The following ABI2 variants were observed in gnomAD, a reference collection of about 807,000 sequenced individuals.
ABI2 encodes the protein abelson interactor 2.
Under a neutral mutation model 59.2 loss-of-function variants are expected in ABI2, and 25 were observed. The ratio of observed to expected loss-of-function variants is 0.42; its 90% CI spans 0.31 to 0.59. The LOEUF is 0.59. Ranked by LOEUF, ABI2 falls within the 20% of genes least tolerant of loss-of-function variation. The probability of loss-of-function intolerance (pLI) is 0.14; values close to 1 mark genes in which losing one functional copy is unlikely to be tolerated. For missense variants in ABI2, 545 were observed against 681.8 expected (o/e 0.80, Z 2.23); for synonymous variants, 213 against 235.5 (o/e 0.90, Z 0.87).
intron 4 of ABI2, among the ~76,000 whole-genome samples, chr2:203,384,299 T>TTGTTTTTTTTTG (rs1559289268): frequency 0.014 from 1,767 of 126,572 alleles, 77 homozygotes; most frequent in African/African-American, 0.034. Context: ...TGTTTTTTTT[T>TTGTTTTTTTTTG]TTTTTTTTTT....
At chr2:203,363,361 C>A (rs1395408726) in intron 1 of ABI2, among the ~76,000 whole-genome samples, 1 of 152,098 alleles carries the variant, frequency 6.6e-6, no homozygotes, top group African/African-American at 2.4e-5. Flanking sequence ...TTTATGAAAT[C>A]ACCCTGTTGT....
intron 10 of ABI2, among the ~76,000 whole-genome samples, chr2:203,412,871 TTTAA>T (rs1350588315): frequency 6.6e-6 from 1 of 152,210 alleles, no homozygotes; most frequent in Non-Finnish European, 1.5e-5. Flanking sequence ...TAGAAAAGGA[TTTAA>T]TTACAGTACG....
At position 203,396,813 on chromosome 2, in the gene ABI2, C is replaced by T; in HGVS notation, c.879C>T (p.Pro293=). 2.6e-6 allele frequency: 4 copies of T among 1,533,712 alleles called. No individual in the cohort carries two copies. The highest frequency in any genetic ancestry group is 3.5e-6 in the Non-Finnish European group (4 of 1,145,992). Reference sequence around the variant, plus strand: ...CTGCTGGCTCTGCTGGCACTCCTCCCCTTCCTGCTACTTCTGCATCTGCCC... The same window carrying T: ...CTGCTGGCTCTGCTGGCACTCCTCCTCTTCCTGCTACTTCTGCATCTGCCC... ...PAPAGSAGTP[P]LPATSASAPA... is the part of the protein sequence containing the mutation. The change falls in exon 8 of 12, where the codon CCC becomes CCT. Residue 293 remains proline, a synonymous_variant. Transcript: ENST00000261018.
chr2:203,347,507 G>A (rs2084422723), intron 1 of ABI2, among the ~76,000 whole-genome samples: 1 of 152,172 alleles, frequency 6.6e-6, no homozygotes, highest in Non-Finnish European at 1.5e-5. Context: ...ACCACCCAAG[G>A]AAAATGTGCA....
chr2:203,376,733 C>CTTTT lies in ABI2; in HGVS notation c.286-3459_286-3456dup, dbSNP rs370295013. On this transcript the variant is annotated intron_variant, in intron 2 of 11. Transcript: ENST00000261018. ...TTTCTATTTACTGTATTGGTCTTCC[C>CTTTT]TTTTTTTTTTTTTTTTTTTACTGTT... 2.8e-4 allele frequency among the ~76,000 whole-genome samples: 32 copies of CTTTT among 114,896 alleles called. 1 individual carries two copies. The highest frequency in any genetic ancestry group is 1.7e-3 in the South Asian group (5 of 3,022). 75.4% of individuals were successfully genotyped at this position (114,896 alleles called of 152,430 possible). A position where few individuals can be genotyped will look rare whatever the true frequency, so the allele number is the denominator to read the frequency against.
intron 1 of ABI2, among the ~76,000 whole-genome samples, chr2:203,332,768 G>A (rs572554827): frequency 6.8e-4 from 104 of 152,288 alleles, no homozygotes; most frequent in African/African-American, 2.4e-3. Flanking sequence ...TTTGGTAGAT[G>A]AAATAACTCC....
chr2:203,413,967 A>G (rs903069697), intron 10 of ABI2, among the ~76,000 whole-genome samples: 1 of 152,158 alleles, frequency 6.6e-6, no homozygotes, highest in Non-Finnish European at 1.5e-5. Flanking sequence ...GTGGCTCACC[A>G]TGGCTCTTTG....
intron 2 of ABI2, among the ~76,000 whole-genome samples, chr2:203,370,797 C>T (rs769861150): frequency 1.3e-5 from 2 of 152,056 alleles, no homozygotes; most frequent in Non-Finnish European, 1.5e-5. Flanking sequence ...CAAGATCACA[C>T]ATTTATTGGA....
chr2:203,399,035 A>C (rs763810553), intron 8 of ABI2, among the ~76,000 whole-genome samples: 1 of 152,084 alleles, frequency 6.6e-6, no homozygotes, highest in African/African-American at 2.4e-5. Context: ...TTTTGTGCAC[A>C]TGGGTTTTTA....
At chr2:203,408,826 CTCCTT>C (rs1308647350) in intron 9 of ABI2, among the ~76,000 whole-genome samples, 1 of 85,956 alleles carries the variant, frequency 1.2e-5, no homozygotes, top group Non-Finnish European at 3.0e-5. Context: ...ATGCTACCTT[CTCCTT>C]TCTTTTTTTT....
At chr2:203,330,408 AAAAG>A (rs2072403213) in intron 1 of ABI2, among the ~76,000 whole-genome samples, 1 of 152,096 alleles carries the variant, frequency 6.6e-6, no homozygotes, top group Non-Finnish European at 1.5e-5. Context: ...AAAAAAAAAA[AAAAG>A]ATTCACTTGC....
At chr2:203,356,801 G>A (rs974980536) in intron 1 of ABI2, among the ~76,000 whole-genome samples, 1 of 151,872 alleles carries the variant, frequency 6.6e-6, no homozygotes, top group African/African-American at 2.4e-5. Context: ...ACACTCGGCA[G>A]CATATTTTAA....
chr2:203,395,485 A>AT (rs1553589684), intron 6 of ABI2, among the ~76,000 whole-genome samples, 171 bp from the exon 7 acceptor site: 3 of 146,168 alleles, frequency 2.1e-5, no homozygotes, highest in South Asian at 2.2e-4. Flanking sequence ...ACACACACAC[A>AT]TTTTTTTTTA....
Position 203,408,833 on chromosome 2 carries a change from C to CTTTTTTTTTTTTTTTTT in ABI2, c.1193-2436_1193-2435insTTTTTTTTTTTTTTTTT. 2.9e-3 allele frequency among the ~76,000 whole-genome samples: 256 copies of CTTTTTTTTTTTTTTTTT among 87,188 alleles called. 42 individuals are homozygous for CTTTTTTTTTTTTTTTTT. Among genetic ancestry groups the CTTTTTTTTTTTTTTTTT allele is most frequent in the Non-Finnish European group, 3.9e-3 (162 of 41,734 alleles). The allele number at this position is 87,188 out of a possible 152,430, so 57.2% of individuals were successfully genotyped here. A position where few individuals can be genotyped will look rare whatever the true frequency, so the allele number is the denominator to read the frequency against. On this transcript the variant is annotated intron_variant, in intron 9 of 11. Coordinates refer to ENST00000261018, the MANE Select transcript of ABI2 (RefSeq NM_001375670.1). ...TTTTGTCTATGCTACCTTCTCCTTT[C>CTTTTTTTTTTTTTTTTT]TTTTTTTTTTTTTTTTGAGACGGAG...
At chr2:203,372,846 C>T (rs1405501789) in intron 2 of ABI2, among the ~76,000 whole-genome samples, 4 of 151,454 alleles carry the variant, frequency 2.6e-5, no homozygotes, top group East Asian at 3.9e-4. Flanking sequence ...CGCGGCTGGG[C>T]GCCCTCATAT....
At chr2:203,394,266 C>G (rs1370487306) in intron 5 of ABI2, 2 of 159,970 alleles carry the variant, frequency 1.3e-5, no homozygotes, top group African/African-American at 2.4e-5. Context: ...GATCCTAAAT[C>G]TAGATTTGTA....
At chr2:203,328,692 G>C (rs986117227) in intron 1 of ABI2, 61 bp downstream of exon 1, 148 of 1,208,530 alleles carry the variant, frequency 1.2e-4, no homozygotes, top group Middle Eastern at 1.2e-3. Context: ...CGCGCGCCTC[G>C]GGGCGTGGGG....
chr2:203,372,713 C>T (rs1486182994), intron 2 of ABI2, among the ~76,000 whole-genome samples: 60 of 149,992 alleles, frequency 4.0e-4, no homozygotes, highest in East Asian at 1.8e-3. Context: ...ACTTCTCAGA[C>T]GGGGCGGCTG....
chr2:203,348,743 C>G (rs555438835), intron 1 of ABI2, among the ~76,000 whole-genome samples: 1 of 152,008 alleles, frequency 6.6e-6, no homozygotes, highest in East Asian at 1.9e-4. Flanking sequence ...TTTCTTCCTC[C>G]CATCACGTAT....
Sources: gnomAD v4.1 joint callset for allele counts (sites outside exome capture counted in the v4.1 genomes callset) on GRCh38, gnomAD v4.1.1 for gene constraint, MANE v1.5 for transcripts, NCBI Gene and HGNC (gene_info 2026-07-23, HGNC 2026-07-21) for gene names.